The following RXRA variants were observed in gnomAD, a reference collection of about 807,000 sequenced individuals.
The protein encoded by RXRA is retinoid X receptor alpha, also known as retinoic acid receptor RXR-alpha.
Under a neutral mutation model 44.5 loss-of-function variants are expected in RXRA, and 5 were observed. The observed-to-expected ratio is 0.11, with a 90% confidence interval of 0.06 to 0.24. The LOEUF (loss-of-function observed/expected upper bound fraction) is 0.24, where lower values mean the gene tolerates loss of function less well. Among genes scored for constraint, RXRA ranks in the 10% least tolerant of loss-of-function variants. The pLI, the probability that RXRA is intolerant of heterozygous loss-of-function variation, is 1.00. For synonymous variants in RXRA, 291 were observed against 271.4 expected, an observed-to-expected ratio of 1.07 and a Z score of -0.71; for missense variants, 412 against 646.5, an observed-to-expected ratio of 0.64 and a Z score of 3.93.
chr9:134,382,448 G>C (rs890328516), intron 1 of RXRA, among the ~76,000 whole-genome samples: 1 of 152,144 alleles, frequency 6.6e-6, no homozygotes, highest in Non-Finnish European at 1.5e-5. Context: ...CAGGGCAGCT[G>C]GTAGGAAGTC....
In RXRA at chr9:134,378,843, C is replaced by T. The variant is rs73663468; in HGVS notation, c.29-22789C>T. 3.9e-3 allele frequency among the ~76,000 whole-genome samples: 599 copies of T among 152,288 alleles called. 4 individuals are homozygous for T. Among genetic ancestry groups the T allele is most frequent in the African/African-American group, 0.014 (566 of 41,572 alleles). On this transcript the variant is annotated intron_variant, in intron 1 of 9. Coordinates refer to ENST00000481739, the MANE Select transcript of RXRA (RefSeq NM_002957.6). ...GCAGGAGTCCCGGCAGCTTCAGGAG[C>T]GGCCTCTGGAGCCTGGAGGGCAGGA...
At chr9:134,356,774 C>T (rs1830288958) in intron 1 of RXRA, among the ~76,000 whole-genome samples, 1 of 152,248 alleles carries the variant, frequency 6.6e-6, no homozygotes, top group Admixed American at 6.5e-5. Context: ...CTGGTGGCAC[C>T]TGTGCCTCAA....
At chr9:134,391,947 A>G (rs1830806538) in intron 1 of RXRA, among the ~76,000 whole-genome samples, 1 of 152,140 alleles carries the variant, frequency 6.6e-6, no homozygotes, top group Non-Finnish European at 1.5e-5. Context: ...GAGCTCATGT[A>G]ATGAAATGTT....
rs1418951580 is a variant in RXRA at position 134,433,002 on chromosome 9, A to G, written c.1135+1006A>G. Reference sequence around the variant, plus strand: ...GCAGGTGGCTGGGGTGTGGAGGGAGAGGTTTGGGGCTGCTGTGGGGAGCTC... The same window carrying G: ...GCAGGTGGCTGGGGTGTGGAGGGAGGGGTTTGGGGCTGCTGTGGGGAGCTC... On this transcript the variant is annotated intron_variant, in intron 8 of 9. Coordinates refer to ENST00000481739, the MANE Select transcript of RXRA (RefSeq NM_002957.6). This position sits in a 1 kb window ranked among gnomAD's most constrained non-coding sequence, Gnocchi z 4.2. 1.3e-5 allele frequency among the ~76,000 whole-genome samples: 2 copies of G among 150,604 alleles called. No individual in the cohort carries two copies. Among genetic ancestry groups the G allele is most frequent in the Non-Finnish European group, 3.0e-5 (2 of 67,666 alleles).
chr9:134,436,890 A>C lies in RXRA; in HGVS notation c.*276A>C. ...CCAGGCGCCTCCCCACCGGGCTCTC[A>C]GGACACCCTGCCACACCCCACGGGG... On this transcript the variant is annotated 3_prime_UTR_variant, in exon 10 of 10. Transcript: ENST00000481739. 3 of 444,388 alleles carry C rather than the reference A, an allele frequency of 6.8e-6. No individual in the cohort carries two copies. Among genetic ancestry groups the C allele is most frequent in the Middle Eastern group, 6.3e-4 (1 of 1,590 alleles). The allele number at this position is 444,388 out of a possible 1,614,324, so 27.5% of individuals were successfully genotyped here. A position where few individuals can be genotyped will look rare whatever the true frequency, so the allele number is the denominator to read the frequency against.
Position 134,416,702 on chromosome 9 carries a change from CT to C in RXRA, c.611-455del, listed in dbSNP as rs1831241163. Among the ~76,000 whole-genome samples the C allele has an allele frequency of 2.6e-5, 4 of 152,092 alleles. No homozygotes were observed. The South Asian group carries it at 8.3e-4, about 32-fold the overall frequency. Reference sequence around the variant, plus strand: ...AGGCCCTCAGCCAGCACGGGTGCCCCTGTGCTGCCTCATGAGCGTGCTCTGC... The same window carrying C: ...AGGCCCTCAGCCAGCACGGGTGCCCCGTGCTGCCTCATGAGCGTGCTCTGC... On this transcript the variant is annotated intron_variant, in intron 4 of 9. Coordinates refer to ENST00000481739, the MANE Select transcript of RXRA (RefSeq NM_002957.6).
Position 134,426,761 on chromosome 9 carries a change from A to G in RXRA, c.911-2347A>G. On this transcript the variant is annotated intron_variant, in intron 6 of 9. Coordinates refer to ENST00000481739, the MANE Select transcript of RXRA (RefSeq NM_002957.6). The surrounding 1 kb of genome is among the most constrained non-coding windows in gnomAD (Gnocchi z 4.6). ...CCCAGGCCTGCAGGATGTGAGGGAG[A>G]GAGGCAGGCCCGAGAGGCCAGGACT... 1.0e-6 allele frequency: 1 copy of G among 985,320 alleles called. No individual in the cohort carries two copies. The highest frequency in any genetic ancestry group is 1.2e-6 in the Non-Finnish European group (1 of 829,904). The allele number at this position is 985,320 out of a possible 1,614,324, so 61.0% of individuals were successfully genotyped here. A position where few individuals can be genotyped will look rare whatever the true frequency, so the allele number is the denominator to read the frequency against.
Position 134,326,658 on chromosome 9 carries a change from C to T in RXRA, c.27C>T (p.Leu9=). ...TGGACACCAAACATTTCCTGCCGCT[C>T]GGTGAGTGCTCGCCGGGCCGGGCGG... MDTKHFLP[L]DFSTQVNSSL... The change falls in exon 1 of 10, where the codon CTC becomes CTT. Residue 9 remains leucine (L), a splice_region_variant and synonymous_variant. Coordinates refer to ENST00000481739, the MANE Select transcript of RXRA (RefSeq NM_002957.6). 1.0e-6 allele frequency: 1 copy of T among 955,770 alleles called. No individual in the cohort carries two copies. Among genetic ancestry groups the T allele is most frequent in the Non-Finnish European group, 1.2e-6 (1 of 808,692 alleles). 59.2% of individuals were successfully genotyped at this position (955,770 alleles called of 1,614,324 possible).
Position 134,343,630 on chromosome 9 carries a change from GGTCAC to G in RXRA, c.28+16975_28+16979del. Among the ~76,000 whole-genome samples, 1 of 152,230 alleles carries G rather than the reference GGTCAC, an allele frequency of 6.6e-6. No individual in the cohort carries two copies. The highest frequency in any genetic ancestry group is 1.9e-4 in the East Asian group (1 of 5,184). On this transcript the variant is annotated intron_variant, in intron 1 of 9. Transcript: ENST00000481739. This position sits in a 1 kb window ranked among gnomAD's most constrained non-coding sequence, Gnocchi z 4.1. ...GTGCAACCTTGACATAGGCTTGAGG[GGTCAC>G]GTCCCCTGCCCTGTCCCCATCTTGC... is the stretch of plus-strand genomic sequence containing the variant.
At chr9:134,425,737 C>G in intron 6 of RXRA, 1 of 985,372 alleles carries the variant, frequency 1.0e-6, no homozygotes. Context: ...CAGGGTAAGC[C>G]AGGCTGGGCT....
intron 1 of RXRA, among the ~76,000 whole-genome samples, chr9:134,337,502 C>T (rs1355666026): frequency 2.0e-5 from 3 of 152,170 alleles, no homozygotes; most frequent in Non-Finnish European, 4.4e-5. Flanking sequence ...CTCTTTGGGC[C>T]TTAGTTCTCT....
Position 134,426,573 on chromosome 9 carries a change from G to T in RXRA, c.911-2535G>T. ...CTCCTGACCTGTATCCCGTGCTGAGGGCCGCACCTCGGCTCAGCAGCGCCT... is the reference window on the plus strand; with the variant it reads ...CTCCTGACCTGTATCCCGTGCTGAGTGCCGCACCTCGGCTCAGCAGCGCCT... On this transcript the variant is annotated intron_variant, in intron 6 of 9. Transcript: ENST00000481739. This position sits in a 1 kb window ranked among gnomAD's most constrained non-coding sequence, Gnocchi z 4.6. 11 of 985,420 alleles carry T rather than the reference G, an allele frequency of 1.1e-5. No homozygotes were observed. Among genetic ancestry groups the T allele is most frequent in the Non-Finnish European group, 1.2e-5 (10 of 829,932 alleles). 61.0% of individuals were successfully genotyped at this position (985,420 alleles called of 1,614,324 possible).
chr9:134,353,898 G>A (rs1405824841), intron 1 of RXRA, among the ~76,000 whole-genome samples: 10 of 152,224 alleles, frequency 6.6e-5, no homozygotes, highest in African/African-American at 2.2e-4. Flanking sequence ...CAGCCTGGCT[G>A]CATTTGGGGA....
At chr9:134,328,954 GCCGAGGGACTCGC>G (rs1457144793) in intron 1 of RXRA, among the ~76,000 whole-genome samples, 1 of 152,248 alleles carries the variant, frequency 6.6e-6, no homozygotes, top group African/African-American at 2.4e-5. Context: ...GGAAAGCAAG[GCCGAGGGACTCGC>G]CAGAGGCAGC....
rs1042794456 is a variant in RXRA, at chr9:134,402,036, G to A, written c.279+154G>A. On this transcript the variant is annotated intron_variant, in intron 2 of 9. Transcript: ENST00000481739. ...AGTATACAGAGCCTCGGGGAGCAGAGTGCCGTGGGGGTTTGAGCCCAGGTG... is the reference window on the plus strand; with the variant it reads ...AGTATACAGAGCCTCGGGGAGCAGAATGCCGTGGGGGTTTGAGCCCAGGTG... 8.8e-6 allele frequency: 6 copies of A among 678,214 alleles called. No homozygotes were observed. In the African/African-American group the frequency reaches 9.1e-5, roughly 10 times the overall value. 42.0% of individuals were successfully genotyped at this position (678,214 alleles called of 1,614,324 possible). A position where few individuals can be genotyped will look rare whatever the true frequency, so the allele number is the denominator to read the frequency against.
intron 1 of RXRA, among the ~76,000 whole-genome samples, chr9:134,397,838 C>T (rs934266757): frequency 1.3e-5 from 2 of 152,172 alleles, no homozygotes; most frequent in African/African-American, 4.8e-5. Context: ...GTGGGGAGGG[C>T]TGTGTGTCTG....
rs180952182 is a variant in RXRA, at chr9:134,419,393, C to T, written c.780+2066C>T. Among the ~76,000 whole-genome samples the T allele has an allele frequency of 1.7e-4, 26 of 152,280 alleles. 1 individual carries two copies. Among genetic ancestry groups the T allele is most frequent in the South Asian group, 1.0e-3 (5 of 4,818 alleles). On this transcript the variant is annotated intron_variant, in intron 5 of 9. Coordinates refer to ENST00000481739, the MANE Select transcript of RXRA (RefSeq NM_002957.6). ...TAGAACCACAGAGGCAGGCAGGGCT[C>T]GCTGGGGATAAAGGACACGTCTTCC...
chr9:134,412,182 G>A lies in RXRA; in HGVS notation c.610+3063G>A, dbSNP rs538115907. 3.7e-4 allele frequency among the ~76,000 whole-genome samples: 57 copies of A among 152,354 alleles called. 1 individual carries two copies. The highest frequency in any genetic ancestry group is 7.2e-4 in the Non-Finnish European group (49 of 68,026). On this transcript the variant is annotated intron_variant, in intron 4 of 9. Transcript: ENST00000481739. ...CAGCAGCCCTGGAGAAAGCTATGGGGCCAAGTTGGCCAACACTAGGTGCCT... is the reference window on the plus strand; with the variant it reads ...CAGCAGCCCTGGAGAAAGCTATGGGACCAAGTTGGCCAACACTAGGTGCCT...
At chr9:134,393,475 G>A (rs117206177) in intron 1 of RXRA, among the ~76,000 whole-genome samples, 3,336 of 152,332 alleles carry the variant, frequency 0.022, 64 homozygotes, top group Admixed American at 0.045. Flanking sequence ...TAGCGCCTGG[G>A]GCATCCCTGG....
Sources: allele counts gnomAD v4.1 joint callset (sites outside exome capture counted in the v4.1 genomes callset), GRCh38; gene constraint gnomAD v4.1.1; non-coding constraint Gnocchi (gnomAD v3.1); transcripts MANE v1.5; gene names NCBI Gene and HGNC (gene_info 2026-07-23, HGNC 2026-07-21).